Variants in METTL15 observed in about 807,000 individuals in gnomAD.
METTL15 encodes methyltransferase 15, mitochondrial 12S rRNA N4-cytidine, also known as 12S rRNA N(4)-cytidine methyltransferase METTL15.
In METTL15, 34 loss-of-function variants were observed where a neutral mutation model predicts 38.3. The ratio of observed to expected loss-of-function variants is 0.89; its 90% CI spans 0.68 to 1.18. METTL15 has a LOEUF of 1.18. Ranked by LOEUF, METTL15 falls within the 50% of genes most tolerant of loss-of-function variation. The pLI is 0.00. For missense variants in METTL15, 438 were observed against 498.4 expected (o/e 0.88, Z 1.15); for synonymous variants, 162 against 170.9 (o/e 0.95, Z 0.41).
intron 4 of METTL15, among the ~76,000 whole-genome samples, chr11:28,236,886 T>G (rs944030577): frequency 6.6e-6 from 1 of 152,180 alleles, no homozygotes; most frequent in African/African-American, 2.4e-5. Context: ...GATATGAAAT[T>G]CTGGGTTGAA....
At chr11:28,472,786 T>G (rs2133465685) in intron 6 of METTL15, among the ~76,000 whole-genome samples, 1 of 152,240 alleles carries the variant, frequency 6.6e-6, no homozygotes, top group South Asian at 2.1e-4. Flanking sequence ...TAAAATGAAA[T>G]AAGTTTTCAT....
intron 3 of METTL15, among the ~76,000 whole-genome samples, chr11:28,207,036 C>T (rs1222486882): frequency 7.4e-6 from 1 of 135,276 alleles, no homozygotes; most frequent in Non-Finnish European, 1.5e-5. Flanking sequence ...TCTAGATATA[C>T]AATCATGTCA....
intron 3 of METTL15, among the ~76,000 whole-genome samples, chr11:28,179,585 T>A (rs1006995431): frequency 2.0e-5 from 3 of 151,838 alleles, no homozygotes; most frequent in African/African-American, 7.2e-5. Context: ...ATCTATATTG[T>A]TGATGGGATT....
intron 5 of METTL15, among the ~76,000 whole-genome samples, chr11:28,391,055 C>G (rs187199518): frequency 4.3e-4 from 65 of 152,190 alleles, no homozygotes; most frequent in African/African-American, 1.5e-3. Context: ...TATAAGAATG[C>G]TTGTGATTTT....
Position 28,358,592 on chromosome 11 carries a change from G to A in METTL15, c.*259-3345G>A, listed in dbSNP as rs1361095674. Among the ~76,000 whole-genome samples the A allele has an allele frequency of 3.3e-5, 5 of 152,042 alleles. 1 individual carries two copies. The highest frequency in any genetic ancestry group is 2.6e-4 in the Admixed American group (4 of 15,266). Reference sequence around the variant, plus strand: ...AACCTTCCTATTGCTCTTTGCTACCGCCTCCCCTGAACTCCCTTAATACCA... The same window carrying A: ...AACCTTCCTATTGCTCTTTGCTACCACCTCCCCTGAACTCCCTTAATACCA... On this transcript the variant is annotated intron_variant and NMD_transcript_variant, in intron 4 of 7. Transcript: ENST00000532947.
intron 6 of METTL15, among the ~76,000 whole-genome samples, chr11:28,443,469 G>C (rs147312096): frequency 9.0e-4 from 137 of 152,208 alleles, no homozygotes; most frequent in Admixed American, 4.1e-3. Context: ...CAAGTAGACA[G>C]TTCCCAAGTT....
intron 5 of METTL15, among the ~76,000 whole-genome samples, chr11:28,421,780 A>G (rs986391237): frequency 6.6e-6 from 1 of 152,058 alleles, no homozygotes; most frequent in African/African-American, 2.4e-5. Flanking sequence ...GATCTTGAAC[A>G]TGACAAGGAT....
At chr11:28,275,935 A>G (rs1400293192) in intron 4 of METTL15, among the ~76,000 whole-genome samples, 4 of 152,128 alleles carry the variant, frequency 2.6e-5, no homozygotes, top group Admixed American at 6.5e-5. Context: ...TAGGCATAGA[A>G]GGAACATTCC....
chr11:28,392,828 A>G lies in METTL15; in HGVS notation c.*358+30792A>G, dbSNP rs532721121. 2.1e-3 allele frequency among the ~76,000 whole-genome samples: 327 copies of G among 152,240 alleles called. 1 individual carries two copies. Among genetic ancestry groups the G allele is most frequent in the Admixed American group, 3.3e-3 (50 of 15,262 alleles). ...AAAACAAAAAAACAAATAACCAATT[A>G]AAAACTGGGGAAAGTCCTTGAATAG... On this transcript the variant is annotated intron_variant and NMD_transcript_variant, in intron 5 of 7. Transcript: ENST00000532947.
intron 4 of METTL15, among the ~76,000 whole-genome samples, chr11:28,354,966 C>A (rs976553765): frequency 2.6e-5 from 4 of 151,988 alleles, no homozygotes; most frequent in Admixed American, 6.6e-5. Flanking sequence ...AGTGAGAGGA[C>A]CTTTCCCTTA....
At chr11:28,507,972 G>T (rs1590398437) in intron 6 of METTL15, among the ~76,000 whole-genome samples, 1 of 152,198 alleles carries the variant, frequency 6.6e-6, no homozygotes, top group East Asian at 1.9e-4. Flanking sequence ...CCTCCCAGTG[G>T]TTTCCCAGCC....
intron 6 of METTL15, among the ~76,000 whole-genome samples, chr11:28,300,433 G>A (rs888349760): frequency 6.6e-6 from 1 of 152,136 alleles, no homozygotes; most frequent in African/African-American, 2.4e-5. Flanking sequence ...GATCCTGTAA[G>A]TCACGTGATT....
chr11:28,267,196 T>A (rs1219446527), intron 4 of METTL15, among the ~76,000 whole-genome samples: 1 of 149,846 alleles, frequency 6.7e-6, no homozygotes, highest in Non-Finnish European at 1.5e-5. Flanking sequence ...GTGAAGAATG[T>A]ACAGTGGCTT....
At position 28,505,169 on chromosome 11, in the gene METTL15, G is replaced by A. The variant is rs570018177; in HGVS notation, c.*425-21309G>A. Among the ~76,000 whole-genome samples the A allele has an allele frequency of 2.0e-5, 3 of 152,170 alleles. No homozygotes were observed. In the South Asian group the frequency reaches 6.2e-4, roughly 32 times the overall value. On this transcript the variant is annotated intron_variant and NMD_transcript_variant, in intron 6 of 7. Transcript: ENST00000532947. ...AAGGAACTGGGAAAAAGTGTAACTC[G>A]GTGTGTATGTGTGTATGTGTGTTTT...
chr11:28,266,271 G>A (rs182666465), intron 4 of METTL15, among the ~76,000 whole-genome samples: 4 of 152,234 alleles, frequency 2.6e-5, no homozygotes, highest in Admixed American at 1.3e-4. Context: ...TATGTTTATT[G>A]CGGCGCTATT....
chr11:28,377,155 A>G (rs1237420188), intron 5 of METTL15, among the ~76,000 whole-genome samples: 65 of 146,876 alleles, frequency 4.4e-4, no homozygotes, highest in East Asian at 3.7e-3. Flanking sequence ...TGCTCTTCTC[A>G]AGGAGTATCT....
intron 3 of METTL15, chr11:28,197,359 T>C: frequency 8.1e-6 from 2 of 245,538 alleles, no homozygotes; most frequent in South Asian, 1.1e-4. Flanking sequence ...TTTTTTGGAA[T>C]TTAGGCCTTT....
At chr11:28,418,335 C>T (rs1177360157) in intron 5 of METTL15, among the ~76,000 whole-genome samples, 1 of 152,160 alleles carries the variant, frequency 6.6e-6, no homozygotes, top group Non-Finnish European at 1.5e-5. Context: ...TTTGCCTGAT[C>T]AGTGGCCCAT....
intron 6 of METTL15, among the ~76,000 whole-genome samples, chr11:28,486,112 G>C (rs772917608): frequency 3.3e-5 from 5 of 152,184 alleles, no homozygotes; most frequent in Non-Finnish European, 5.9e-5. Flanking sequence ...GAGAAGGGGA[G>C]TATCAATTTT....
Sources: allele counts gnomAD v4.1 joint callset (sites outside exome capture counted in the v4.1 genomes callset), GRCh38; gene constraint gnomAD v4.1.1; transcripts MANE v1.5; gene names NCBI Gene and HGNC (gene_info 2026-07-23, HGNC 2026-07-21).